VWC2: variants seen among roughly 807,000 people sequenced by gnomAD.
VWC2 encodes von Willebrand factor C domain containing 2.
In VWC2, 14 loss-of-function variants were observed where a neutral mutation model predicts 29.8. The ratio of observed to expected loss-of-function variants is 0.47; its 90% CI spans 0.31 to 0.74. VWC2 has a LOEUF of 0.74. Ranked by LOEUF, VWC2 falls within the 30% of genes least tolerant of loss-of-function variation. VWC2 has a pLI of 0.05. For missense variants in VWC2, 457 were observed against 459.8 expected, an observed-to-expected ratio of 0.99 and a Z score of 0.05; for synonymous variants, 213 against 199.0, an observed-to-expected ratio of 1.07 and a Z score of -0.59.
chr7:49,911,740 T>C (rs1362972795), intron 3 of VWC2, among the ~76,000 whole-genome samples: 1 of 151,250 alleles, frequency 6.6e-6, no homozygotes, highest in Non-Finnish European at 1.5e-5. Context: ...CTACAAAAAT[T>C]ACAAAAACTA....
intron 3 of VWC2, among the ~76,000 whole-genome samples, chr7:49,822,599 C>A (rs1042877361): frequency 6.6e-6 from 1 of 152,144 alleles, no homozygotes; most frequent in Non-Finnish European, 1.5e-5. Context: ...CCACCACACC[C>A]AGCTAGTTTT....
intron 3 of VWC2, among the ~76,000 whole-genome samples, chr7:49,868,902 A>G (rs962111952): frequency 6.6e-6 from 1 of 152,262 alleles, no homozygotes; most frequent in Non-Finnish European, 1.5e-5. Flanking sequence ...TACGGGCATG[A>G]GCCACTGCAC....
intron 3 of VWC2, among the ~76,000 whole-genome samples, chr7:49,834,615 C>T (rs955896347): frequency 1.3e-5 from 2 of 152,152 alleles, no homozygotes; most frequent in African/African-American, 4.8e-5. Context: ...ACTGCAAACA[C>T]GAAATGCCGA....
intron 3 of VWC2, among the ~76,000 whole-genome samples, chr7:49,832,801 A>G (rs1193939995): frequency 6.6e-6 from 1 of 152,132 alleles, no homozygotes; most frequent in African/African-American, 2.4e-5. Context: ...AGCTATATTA[A>G]CTTCTTGGCA....
chr7:49,895,518 G>C (rs1792340165), intron 3 of VWC2, among the ~76,000 whole-genome samples: 1 of 152,146 alleles, frequency 6.6e-6, no homozygotes, highest in South Asian at 2.1e-4. Flanking sequence ...GAAAAAATCA[G>C]TTAAGCCAGG....
At chr7:49,836,778 A>T (rs768820394) in intron 3 of VWC2, among the ~76,000 whole-genome samples, 5 of 152,204 alleles carry the variant, frequency 3.3e-5, no homozygotes, top group Non-Finnish European at 5.9e-5. Flanking sequence ...AATAATATAG[A>T]TACATTACAA....
intron 3 of VWC2, among the ~76,000 whole-genome samples, chr7:49,904,554 TA>T (rs1442660968): frequency 2.0e-5 from 3 of 152,192 alleles, no homozygotes; most frequent in African/African-American, 7.2e-5. Flanking sequence ...AGGAAGGCTT[TA>T]AAAAATTTCA....
intron 3 of VWC2, among the ~76,000 whole-genome samples, chr7:49,908,652 G>A (rs1262720941): frequency 1.3e-5 from 2 of 151,904 alleles, no homozygotes; most frequent in African/African-American, 4.8e-5. Flanking sequence ...TGATAGCCAG[G>A]TCTTTGTTCT....
intron 3 of VWC2, 32 bp from the exon 4 acceptor site, chr7:49,912,002 C>A: frequency 6.3e-7 from 1 of 1,590,168 alleles, no homozygotes; most frequent in Non-Finnish European, 8.6e-7. Flanking sequence ...TTTATGCACA[C>A]ATATAGTATA....
chr7:49,826,105 T>C (rs1315160690), intron 3 of VWC2, among the ~76,000 whole-genome samples: 2 of 152,172 alleles, frequency 1.3e-5, no homozygotes, highest in Admixed American at 1.3e-4. Flanking sequence ...TACCCTTTGT[T>C]GTAATCGTCT....
chr7:49,844,467 C>T lies in VWC2; in HGVS notation c.826+41627C>T, dbSNP rs549239542. On this transcript the variant is annotated intron_variant, in intron 3 of 3. Coordinates refer to ENST00000340652, the MANE Select transcript of VWC2 (RefSeq NM_198570.5). ...TAAAATATTGTCCTATAAATACTTC[C>T]CTGGGCAATATTTATACTATGTTAC... Among the ~76,000 whole-genome samples the T allele has an allele frequency of 5.3e-4, 80 of 152,176 alleles. 1 individual carries two copies. The Middle Eastern group carries it at 0.017, about 32-fold the overall frequency.
At chr7:49,903,038 G>C (rs1405120281) in intron 3 of VWC2, among the ~76,000 whole-genome samples, 1 of 152,032 alleles carries the variant, frequency 6.6e-6, no homozygotes, top group Non-Finnish European at 1.5e-5. Flanking sequence ...CCGCCACTAG[G>C]GAAATACAAA....
chr7:49,892,815 T>A (rs964974654), intron 3 of VWC2, among the ~76,000 whole-genome samples: 1 of 152,258 alleles, frequency 6.6e-6, no homozygotes, highest in Non-Finnish European at 1.5e-5. Flanking sequence ...TAAATGTTCA[T>A]CAGATCCTAA....
At chr7:49,784,877 T>G (rs757992364) in intron 2 of VWC2, among the ~76,000 whole-genome samples, 2 of 151,974 alleles carry the variant, frequency 1.3e-5, no homozygotes, top group Non-Finnish European at 2.9e-5. Flanking sequence ...TAATGTGACC[T>G]CAAAAGAAAA....
At chr7:49,867,461 G>A (rs780374028) in intron 3 of VWC2, among the ~76,000 whole-genome samples, 23 of 152,172 alleles carry the variant, frequency 1.5e-4, no homozygotes, top group African/African-American at 5.3e-4. Context: ...CCTCCCAAGC[G>A]AAGGAAAATG....
At chr7:49,884,399 A>G (rs930508531) in intron 3 of VWC2, among the ~76,000 whole-genome samples, 7 of 152,186 alleles carry the variant, frequency 4.6e-5, no homozygotes, top group African/African-American at 1.7e-4. Flanking sequence ...TAAAGTCTCA[A>G]ATCTGTCTCC....
chr7:49,878,731 C>T (rs887106050), intron 3 of VWC2, among the ~76,000 whole-genome samples: 2 of 152,092 alleles, frequency 1.3e-5, no homozygotes, highest in Non-Finnish European at 2.9e-5. Flanking sequence ...TGCTCATGCA[C>T]GATTTTCTCC....
rs148760226 is a variant in VWC2 at position 49,846,047 on chromosome 7, A to T, written c.826+43207A>T. On this transcript the variant is annotated intron_variant, in intron 3 of 3. Coordinates refer to ENST00000340652, the MANE Select transcript of VWC2 (RefSeq NM_198570.5). ...TTATCCATGTTGTCCTGCTTTCCAA[A>T]AAGTATTTCAGGCAGCTTCAAAAAT... Among the ~76,000 whole-genome samples, 1,446 of 152,326 alleles carry T rather than the reference A, an allele frequency of 9.5e-3. 25 individuals carry two copies. Among genetic ancestry groups the T allele is most frequent in the African/African-American group, 0.032 (1,331 of 41,558 alleles).
At chr7:49,784,902 G>C (rs1181664226) in intron 2 of VWC2, among the ~76,000 whole-genome samples, 1 of 152,160 alleles carries the variant, frequency 6.6e-6, no homozygotes, top group Non-Finnish European at 1.5e-5. Context: ...CTCACAAGAA[G>C]AAAGGGCAAT....
Sources: allele counts gnomAD v4.1 joint callset (sites outside exome capture counted in the v4.1 genomes callset), GRCh38; gene constraint gnomAD v4.1.1; transcripts MANE v1.5; gene names NCBI Gene and HGNC (gene_info 2026-07-23, HGNC 2026-07-21).